Variants in STK32B observed in about 807,000 individuals in gnomAD.
STK32B encodes the protein serine/threonine kinase 32B, also known as serine/threonine-protein kinase 32B.
STK32B carries 43 observed loss-of-function variants against 52.6 expected under a neutral mutation model. The observed-to-expected ratio is 0.82, with a 90% CI of 0.64 to 1.05. The LOEUF (loss-of-function observed/expected upper bound fraction) is 1.05. STK32B is among the 50% of genes least tolerant of loss of function. The pLI is 0.00. For missense variants in STK32B, 621 were observed against 534.6 expected, an observed-to-expected ratio of 1.16 and a Z score of -1.59; for synonymous variants, 238 against 204.3, an observed-to-expected ratio of 1.17 and a Z score of -1.41.
At chr4:5,105,809 C>T (rs927402181) in intron 1 of STK32B, among the ~76,000 whole-genome samples, 17 of 151,824 alleles carry the variant, frequency 1.1e-4, no homozygotes, top group South Asian at 6.3e-4. Context: ...GTGATCCACC[C>T]GCCTCGGCCA....
At chr4:5,449,483 T>C (rs571814977) in intron 7 of STK32B, among the ~76,000 whole-genome samples, 1 of 152,292 alleles carries the variant, frequency 6.6e-6, no homozygotes, top group East Asian at 1.9e-4. Context: ...TTTCTCCTCA[T>C]GAGGAGCCAA....
At chr4:5,047,161 A>G (rs1044718205), upstream of STK32B, among the ~76,000 whole-genome samples, 1 of 152,230 alleles carries the variant, frequency 6.6e-6, no homozygotes, top group African/African-American at 2.4e-5. Context: ...TGCAGCCATA[A>G]AAAGGAATGA....
chr4:5,123,878 C>T (rs1318257708), intron 1 of STK32B, among the ~76,000 whole-genome samples: 2 of 152,138 alleles, frequency 1.3e-5, no homozygotes, highest in Non-Finnish European at 2.9e-5. Flanking sequence ...TCAATCTCCT[C>T]ATCCTCATGT....
chr4:5,170,881 C>T (rs1719314753), intron 3 of STK32B, among the ~76,000 whole-genome samples: 1 of 152,218 alleles, frequency 6.6e-6, no homozygotes, highest in Admixed American at 6.5e-5. Flanking sequence ...TGAGGAATCG[C>T]CACATTGACC....
At chr4:5,020,468 T>C in the STK32B span, among the ~76,000 whole-genome samples, 1 of 152,188 alleles carries the variant, frequency 6.6e-6, no homozygotes, top group Non-Finnish European at 1.5e-5. Flanking sequence ...ACTGTCTCTG[T>C]TAAATCCAGC....
At chr4:5,175,990 C>T (rs912788151) in intron 3 of STK32B, among the ~76,000 whole-genome samples, 2 of 152,246 alleles carry the variant, frequency 1.3e-5, no homozygotes, top group African/African-American at 4.8e-5. Flanking sequence ...CTACGCAAGC[C>T]TTGGCAATGG....
intron 1 of STK32B, among the ~76,000 whole-genome samples, chr4:5,099,368 G>T (rs1488152324): frequency 6.6e-6 from 1 of 152,122 alleles, no homozygotes; most frequent in African/African-American, 2.4e-5. Context: ...ACCATAGAGA[G>T]ATTCTGCTAA....
At chr4:5,036,684 T>G in the STK32B span, among the ~76,000 whole-genome samples, 2 of 114,130 alleles carry the variant, frequency 1.8e-5, no homozygotes, top group Admixed American at 2.0e-4. Context: ...TTTTTTTTTT[T>G]CGAGATGGAG....
chr4:5,351,408 A>C (rs1439798537), intron 4 of STK32B, among the ~76,000 whole-genome samples: 1 of 152,060 alleles, frequency 6.6e-6, no homozygotes, highest in East Asian at 1.9e-4. Context: ...AATACTTCTT[A>C]AAACAAATGA....
chr4:5,177,424 G>T (rs572379497), intron 3 of STK32B, among the ~76,000 whole-genome samples: 1 of 152,214 alleles, frequency 6.6e-6, no homozygotes, highest in South Asian at 2.1e-4. Context: ...GGCATTATAG[G>T]GATTACAGTT....
At chr4:5,495,121 C>T (rs1485833253) in intron 11 of STK32B, among the ~76,000 whole-genome samples, 1 of 152,142 alleles carries the variant, frequency 6.6e-6, no homozygotes, top group Non-Finnish European at 1.5e-5. Context: ...GAATGTTGGC[C>T]TGCCTTGCTA....
At chr4:5,215,282 A>C (rs373577794) in intron 3 of STK32B, among the ~76,000 whole-genome samples, 1 of 152,214 alleles carries the variant, frequency 6.6e-6, no homozygotes, top group Non-Finnish European at 1.5e-5. Flanking sequence ...AATTCTCAAC[A>C]GTTAGTTGAT....
intron 1 of STK32B, among the ~76,000 whole-genome samples, chr4:5,139,125 G>A (rs1316464414): frequency 1.3e-5 from 2 of 152,178 alleles, no homozygotes; most frequent in Non-Finnish European, 2.9e-5. Context: ...GGCCATAGGG[G>A]TAGACAGGTG....
At chr4:5,324,527 A>T (rs534489299) in intron 3 of STK32B, among the ~76,000 whole-genome samples, 1 of 152,100 alleles carries the variant, frequency 6.6e-6, no homozygotes, top group South Asian at 2.1e-4. Flanking sequence ...GGGTTTTTCA[A>T]CCTCAGCACT....
chr4:5,031,760 T>A, the STK32B span, among the ~76,000 whole-genome samples: 1 of 152,148 alleles, frequency 6.6e-6, no homozygotes, highest in South Asian at 2.1e-4. Flanking sequence ...GGGGTCCCAC[T>A]TAGCAGGCCT....
intron 1 of STK32B, among the ~76,000 whole-genome samples, chr4:5,124,895 A>G (rs1272342577): frequency 6.6e-6 from 1 of 152,226 alleles, no homozygotes; most frequent in Non-Finnish European, 1.5e-5. Flanking sequence ...CTCCTGGGTT[A>G]TGTTCCATTA....
At chr4:5,410,892 T>G (rs1711601161) in intron 5 of STK32B, among the ~76,000 whole-genome samples, 1 of 152,194 alleles carries the variant, frequency 6.6e-6, no homozygotes, top group Non-Finnish European at 1.5e-5. Context: ...AGATTCAGTG[T>G]CTGGTGAGGG....
At chr4:5,156,090 T>C (rs1717808678) in intron 2 of STK32B, among the ~76,000 whole-genome samples, 3 of 151,918 alleles carry the variant, frequency 2.0e-5, no homozygotes, top group Admixed American at 2.0e-4. Flanking sequence ...TACATGTATA[T>C]GCATATACAT....
chr4:5,162,088 C>T (rs928911025), intron 2 of STK32B, among the ~76,000 whole-genome samples: 2 of 152,088 alleles, frequency 1.3e-5, no homozygotes, highest in African/African-American at 2.4e-5. Flanking sequence ...AGCCCAGGCT[C>T]ACTATGAAAG....
Sources: gnomAD v4.1 joint callset for allele counts (sites outside exome capture counted in the v4.1 genomes callset) on GRCh38, gnomAD v4.1.1 for gene constraint, MANE v1.5 for transcripts, NCBI Gene and HGNC (gene_info 2026-07-23, HGNC 2026-07-21) for gene names.